DLC1: variants seen among roughly 807,000 people sequenced by gnomAD.
The protein encoded by DLC1 is DLC1 Rho GTPase activating protein.
A neutral mutation model predicts 140.3 loss-of-function variants in DLC1; 54 were observed. That is an observed-to-expected ratio of 0.38 (90% CI 0.31 to 0.48). DLC1 has a LOEUF of 0.48. Among genes scored for constraint, DLC1 ranks in the 20% least tolerant of loss-of-function variants. The probability of loss-of-function intolerance (pLI) is 0.96; values close to 1 mark genes in which losing one functional copy is unlikely to be tolerated. For synonymous variants in DLC1, 986 were observed against 728.1 expected (o/e 1.35, Z -5.70); for missense variants, 2,536 against 1,907.0 (o/e 1.33, Z -6.14).
intron 2 of DLC1, among the ~76,000 whole-genome samples, chr8:13,443,913 T>C (rs371672090): frequency 5.9e-5 from 9 of 152,188 alleles, no homozygotes; most frequent in African/African-American, 1.9e-4. Context: ...ATCCAGGATT[T>C]ACTGACATTA....
intron 4 of DLC1, among the ~76,000 whole-genome samples, chr8:13,308,710 A>G (rs1252047119): frequency 6.6e-6 from 1 of 152,238 alleles, no homozygotes; most frequent in Non-Finnish European, 1.5e-5. Context: ...ATGGATGCTG[A>G]ACACGAATGA....
chr8:13,386,184 C>G (rs1836512495), intron 4 of DLC1, among the ~76,000 whole-genome samples: 1 of 152,120 alleles, frequency 6.6e-6, no homozygotes, highest in South Asian at 2.1e-4. Context: ...ATTCATATGA[C>G]TAAAGTCTTA....
intron 2 of DLC1, among the ~76,000 whole-genome samples, chr8:13,487,067 G>A (rs547583002): frequency 8.3e-4 from 127 of 152,310 alleles, no homozygotes; most frequent in Non-Finnish European, 1.6e-3. Context: ...CCTTTTGGAA[G>A]TCCTTTGGAA....
chr8:13,578,299 C>G (rs1402571110), intron 1 of DLC1, among the ~76,000 whole-genome samples: 1 of 152,166 alleles, frequency 6.6e-6, no homozygotes, highest in Non-Finnish European at 1.5e-5. Flanking sequence ...CAGCAAATCT[C>G]ACTTCACTGA....
intron 17 of DLC1, 34 bp downstream of exon 17, chr8:13,086,256 C>G (rs373349139): frequency 1.7e-5 from 27 of 1,600,026 alleles, no homozygotes; most frequent in Non-Finnish European, 2.2e-5. Flanking sequence ...CTTCATGACC[C>G]TCACCATATA....
chr8:13,262,930 A>G (rs1453697717), intron 5 of DLC1, among the ~76,000 whole-genome samples: 2 of 152,240 alleles, frequency 1.3e-5, no homozygotes, highest in Admixed American at 6.5e-5. Flanking sequence ...AGATAGAGAC[A>G]CTGGATTTTA....
intron 1 of DLC1, among the ~76,000 whole-genome samples, chr8:13,527,203 T>A (rs1202574332): frequency 6.6e-6 from 1 of 152,228 alleles, no homozygotes. Flanking sequence ...ACAGCTTTCA[T>A]AACAAATAAT....
At chr8:13,449,830 C>G (rs956222949) in intron 2 of DLC1, among the ~76,000 whole-genome samples, 1 of 151,938 alleles carries the variant, frequency 6.6e-6, no homozygotes, top group African/African-American at 2.4e-5. Context: ...AAAAAAAATC[C>G]TGTGTTTCCA....
chr8:13,304,318 A>G (rs993802826), intron 5 of DLC1, among the ~76,000 whole-genome samples: 2 of 152,156 alleles, frequency 1.3e-5, no homozygotes, highest in Non-Finnish European at 2.9e-5. Flanking sequence ...TTTTCCTTCT[A>G]TTCTGAAGAG....
intron 5 of DLC1, among the ~76,000 whole-genome samples, chr8:13,261,524 T>A (rs1830468320): frequency 6.6e-6 from 1 of 152,170 alleles, no homozygotes; most frequent in South Asian, 2.1e-4. Context: ...CTGGTCGTCA[T>A]GTTTGGAATG....
chr8:13,084,555 C>T lies in DLC1; in HGVS notation c.*1256G>A, dbSNP rs1817400073. On this transcript the variant is annotated 3_prime_UTR_variant, in exon 18 of 18. Coordinates refer to ENST00000276297, the MANE Select transcript of DLC1 (RefSeq NM_182643.3). ...TTGGTTTTCTTCTTGTTGCGTTTTA[C>T]TATGATTACTATTTTTCATTACCAC... 6.8e-6 allele frequency: 1 copy of T among 147,388 alleles called. No homozygotes were observed. The highest frequency in any genetic ancestry group is 6.9e-5 in the Admixed American group (1 of 14,510). 9.1% of individuals were successfully genotyped at this position (147,388 alleles called of 1,614,324 possible). A position where few individuals can be genotyped will look rare whatever the true frequency, so the allele number is the denominator to read the frequency against.
intron 5 of DLC1, among the ~76,000 whole-genome samples, chr8:13,295,398 A>G (rs1831906609): frequency 2.0e-5 from 3 of 152,218 alleles, no homozygotes; most frequent in Admixed American, 2.0e-4. Context: ...TCATTACAGT[A>G]GTCAGGACAA....
At chr8:13,126,567 G>T (rs1301967663) in intron 5 of DLC1, among the ~76,000 whole-genome samples, 1 of 152,050 alleles carries the variant, frequency 6.6e-6, no homozygotes, top group Non-Finnish European at 1.5e-5. Flanking sequence ...AGTTTTAAAG[G>T]TCCTTATTTT....
chr8:13,097,683 G>A (rs1337925472), intron 10 of DLC1, among the ~76,000 whole-genome samples: 1 of 152,092 alleles, frequency 6.6e-6, no homozygotes, highest in East Asian at 1.9e-4. Context: ...CCAAAAATAC[G>A]ATCTGATACT....
At chr8:13,479,799 AG>A (rs1800607051) in intron 2 of DLC1, among the ~76,000 whole-genome samples, 1 of 139,370 alleles carries the variant, frequency 7.2e-6, no homozygotes, top group Non-Finnish European at 1.5e-5. Context: ...AAAGAAAGAA[AG>A]AAAAGAAGAA....
At chr8:13,142,285 T>C (rs1270901715) in intron 5 of DLC1, among the ~76,000 whole-genome samples, 2 of 152,162 alleles carry the variant, frequency 1.3e-5, no homozygotes, top group Admixed American at 1.3e-4. Flanking sequence ...AACTTACTAG[T>C]TGTGAAAGAC....
intron 5 of DLC1, chr8:13,276,273 C>G (rs1226661098): frequency 3.3e-6 from 5 of 1,535,452 alleles, no homozygotes; most frequent in Non-Finnish European, 4.4e-6. Flanking sequence ...TGCCAGCCGT[C>G]TGTCTCTAGT....
In DLC1 at chr8:13,102,770, T is replaced by C. The variant is rs1194109884; in HGVS notation, c.1566+20A>G. 1.2e-6 allele frequency: 2 copies of C among 1,607,702 alleles called. No homozygotes were observed. The highest frequency in any genetic ancestry group is 1.7e-6 in the Non-Finnish European group (2 of 1,175,198). On this transcript the variant is annotated intron_variant, in intron 8 of 17. Coordinates refer to ENST00000276297, the MANE Select transcript of DLC1 (RefSeq NM_182643.3). ...TTGCCCCTTTTCCCCCTCATTCTAT[T>C]ATGCAATTTGTATACTCACTCGTTT...
In DLC1 at chr8:13,302,383, A is replaced by G. The variant is rs535118099; in HGVS notation, c.1348+2886T>C. Among the ~76,000 whole-genome samples the G allele has an allele frequency of 5.8e-5, 8 of 137,270 alleles. No individual in the cohort carries two copies. The East Asian group carries it at 1.6e-3, about 28-fold the overall frequency. 90.1% of individuals were successfully genotyped at this position (137,270 alleles called of 152,430 possible). On this transcript the variant is annotated intron_variant, in intron 5 of 17. Coordinates refer to ENST00000276297, the MANE Select transcript of DLC1 (RefSeq NM_182643.3). ...ATTTGTGAAATGACTGAATCCATAA[A>G]AGGCTGTTTCAAAGGCTGTTTCAAA... is the stretch of plus-strand genomic sequence containing the variant.
Sources: gnomAD v4.1 joint callset for allele counts (sites outside exome capture counted in the v4.1 genomes callset) on GRCh38, gnomAD v4.1.1 for gene constraint, MANE v1.5 for transcripts, NCBI Gene and HGNC (gene_info 2026-07-23, HGNC 2026-07-21) for gene names.